LAMA2: variants seen among roughly 807,000 people sequenced by gnomAD.
LAMA2 encodes laminin subunit alpha-2.
Under a neutral mutation model 364.8 loss-of-function variants are expected in LAMA2, and 269 were observed. The ratio of observed to expected loss-of-function variants is 0.74; its 90% CI spans 0.67 to 0.82. LAMA2 has a LOEUF of 0.82. Among genes scored for constraint, LAMA2 ranks in the 40% least tolerant of loss-of-function variants. The pLI is 0.00. For synonymous variants in LAMA2, 1,379 were observed against 1,370.6 expected (o/e 1.01, Z -0.14); for missense variants, 3,807 against 3,873.2 (o/e 0.98, Z 0.45).
At chr6:128,900,817 A>G (rs2114415302) in intron 1 of LAMA2, among the ~76,000 whole-genome samples, 1 of 152,166 alleles carries the variant, frequency 6.6e-6, no homozygotes, top group South Asian at 2.1e-4. Context: ...TTTTGCAAAA[A>G]TGAAAACTCC....
At chr6:129,023,017 T>C (rs1251342238) in intron 1 of LAMA2, among the ~76,000 whole-genome samples, 2 of 152,134 alleles carry the variant, frequency 1.3e-5, no homozygotes. Flanking sequence ...CCCTATTAGT[T>C]TTTTCCTTGC....
At chr6:129,381,640 C>G (rs1307167361) in intron 34 of LAMA2, among the ~76,000 whole-genome samples, 1 of 151,970 alleles carries the variant, frequency 6.6e-6, no homozygotes, top group Non-Finnish European at 1.5e-5. Flanking sequence ...ATTTGAGTAA[C>G]CTAGGGACTG....
At chr6:129,034,122 G>T (rs1433146836) in intron 1 of LAMA2, among the ~76,000 whole-genome samples, 1 of 152,116 alleles carries the variant, frequency 6.6e-6, no homozygotes, top group Non-Finnish European at 1.5e-5. Flanking sequence ...GTATGAACCT[G>T]TTTCTTGGGA....
intron 4 of LAMA2, among the ~76,000 whole-genome samples, chr6:129,133,231 C>T (rs962928192): frequency 5.3e-5 from 8 of 152,190 alleles, no homozygotes; most frequent in Admixed American, 2.0e-4. Context: ...ATCAGAGAGG[C>T]CTACAGTTTC....
chr6:129,035,421 GCA>G (rs1786566433), intron 1 of LAMA2, among the ~76,000 whole-genome samples: 3 of 149,790 alleles, frequency 2.0e-5, no homozygotes, highest in Admixed American at 2.0e-4. Context: ...TTTGTCAGAT[GCA>G]CAGTTAGCAA....
chr6:129,206,085 GA>G lies in LAMA2; in HGVS notation c.1782+13234del, dbSNP rs1157757294. ...GGGAAGGGAAAGGAAAGGAAAGGAG[GA>G]AGGAAGGGAGGGAGGGAGGGAGGAA... On this transcript the variant is annotated intron_variant, in intron 12 of 64. Transcript: ENST00000421865. Among the ~76,000 whole-genome samples the G allele has an allele frequency of 1.4e-4, 15 of 104,506 alleles. 1 individual carries two copies. Among genetic ancestry groups the G allele is most frequent in the African/African-American group, 6.4e-4 (14 of 21,790 alleles). The allele number at this position is 104,506 out of a possible 152,430, so 68.6% of individuals were successfully genotyped here. A position where few individuals can be genotyped will look rare whatever the true frequency, so the allele number is the denominator to read the frequency against.
chr6:129,432,507 A>T (rs1028735462), intron 41 of LAMA2, among the ~76,000 whole-genome samples: 2 of 152,196 alleles, frequency 1.3e-5, no homozygotes, highest in Non-Finnish European at 2.9e-5. Context: ...CTAAAAACTT[A>T]TCTGGGCTTT....
intron 1 of LAMA2, chr6:128,928,856 G>A: frequency 4.7e-6 from 3 of 639,958 alleles, no homozygotes; most frequent in Non-Finnish European, 8.4e-6. Context: ...ACCAATTTGA[G>A]TAAAGTGGAC....
chr6:129,475,409 T>G lies in LAMA2; in HGVS notation c.7451+8T>G. 6.4e-7 allele frequency: 1 copy of G among 1,574,306 alleles called. No homozygotes were observed. Among genetic ancestry groups the G allele is most frequent in the East Asian group, 2.3e-5 (1 of 44,430 alleles). On this transcript the variant is annotated splice_region_variant and intron_variant, in intron 53 of 64. Coordinates refer to ENST00000421865, the MANE Select transcript of LAMA2 (RefSeq NM_000426.4). ...ATCTAGTATGAAAGCAAGGTAAAAT[T>G]TAAATTTATGCATGCCTTCTTCGAG...
At chr6:129,240,184 G>T (rs1382791233) in intron 12 of LAMA2, among the ~76,000 whole-genome samples, 2 of 152,182 alleles carry the variant, frequency 1.3e-5, no homozygotes, top group African/African-American at 4.8e-5. Context: ...GACCTTCCAC[G>T]TTCTCCTGCC....
intron 14 of LAMA2, among the ~76,000 whole-genome samples, chr6:129,256,288 T>C (rs1036573577): frequency 2.6e-5 from 4 of 152,158 alleles, no homozygotes; most frequent in African/African-American, 9.6e-5. Flanking sequence ...TCTTCATTTG[T>C]AAATGTGAAT....
intron 14 of LAMA2, among the ~76,000 whole-genome samples, chr6:129,255,844 A>G (rs780330264): frequency 3.3e-5 from 5 of 152,172 alleles, no homozygotes; most frequent in Admixed American, 6.5e-5. Context: ...TTTTGAAGAC[A>G]TTTTACTGAT....
At chr6:129,081,722 C>T (rs915126211) in intron 3 of LAMA2, among the ~76,000 whole-genome samples, 5 of 152,128 alleles carry the variant, frequency 3.3e-5, no homozygotes, top group African/African-American at 1.2e-4. Flanking sequence ...TTTAACTTCT[C>T]TCAGTATTCA....
intron 1 of LAMA2, among the ~76,000 whole-genome samples, chr6:129,044,184 A>C (rs1320783905): frequency 7.4e-6 from 1 of 134,246 alleles, no homozygotes; most frequent in Non-Finnish European, 1.6e-5. Context: ...GTATATATAT[A>C]TATATACACA....
Position 129,474,065 on chromosome 6 carries a change from GATTA to G in LAMA2, c.7439+717_7439+720del, listed in dbSNP as rs570686647. 1.2e-3 allele frequency among the ~76,000 whole-genome samples: 176 copies of G among 152,128 alleles called. 1 individual carries two copies. The highest frequency in any genetic ancestry group is 5.2e-3 in the Admixed American group (79 of 15,252). On this transcript the variant is annotated intron_variant, in intron 52 of 64. Coordinates refer to ENST00000421865, the MANE Select transcript of LAMA2 (RefSeq NM_000426.4). ...GTTAATTACACTCTAATTAGAATGG[GATTA>G]ATTGATTTGGTTAAACCGTAAGAGT... is the stretch of plus-strand genomic sequence containing the variant.
Position 129,143,900 on chromosome 6 carries a change from G to C in LAMA2, c.640-1G>C. On this transcript the variant is annotated splice_acceptor_variant, in intron 4 of 64. Coordinates refer to ENST00000421865, the MANE Select transcript of LAMA2 (RefSeq NM_000426.4). LOFTEE classifies it high-confidence loss of function. ...GTTAAATTATTTTTCATATTGTGTAGATTCACATCTCTTTAATCAATGGGA... is the reference window on the plus strand; with the variant it reads ...GTTAAATTATTTTTCATATTGTGTACATTCACATCTCTTTAATCAATGGGA... The C allele has an allele frequency of 6.3e-7, 1 of 1,586,016 alleles. No individual in the cohort carries two copies. Among genetic ancestry groups the C allele is most frequent in the East Asian group, 2.2e-5 (1 of 44,700 alleles).
chr6:129,188,054 T>G (rs1781328870), intron 10 of LAMA2, among the ~76,000 whole-genome samples: 1 of 151,856 alleles, frequency 6.6e-6, no homozygotes, highest in South Asian at 2.1e-4. Context: ...TCCTTAAGCC[T>G]TATAGCAAAA....
At chr6:129,171,927 A>G (rs1339207256) in intron 9 of LAMA2, among the ~76,000 whole-genome samples, 180 of 111,158 alleles carry the variant, frequency 1.6e-3, no homozygotes, top group African/African-American at 5.4e-3. Flanking sequence ...CATTCATTTC[A>G]TCTTCCATTG....
intron 22 of LAMA2, among the ~76,000 whole-genome samples, chr6:129,312,160 A>T (rs1404788092): frequency 1.3e-5 from 2 of 152,174 alleles, no homozygotes; most frequent in African/African-American, 4.8e-5. Flanking sequence ...TGGAAAAAAA[A>T]AAAACAAACC....
Sources: allele counts gnomAD v4.1 joint callset (sites outside exome capture counted in the v4.1 genomes callset), GRCh38; gene constraint gnomAD v4.1.1; transcripts MANE v1.5; gene names NCBI Gene and HGNC (gene_info 2026-07-23, HGNC 2026-07-21).